The following KLHL32 variants were observed in gnomAD, a reference collection of about 807,000 sequenced individuals.
KLHL32 encodes kelch-like protein 32.
Under a neutral mutation model 64.8 loss-of-function variants are expected in KLHL32, and 35 were observed. The ratio of observed to expected loss-of-function variants is 0.54; its 90% CI spans 0.41 to 0.72. The LOEUF (loss-of-function observed/expected upper bound fraction) is 0.72. Ranked by LOEUF, KLHL32 falls within the 30% of genes least tolerant of loss-of-function variation. The pLI is 0.00. For synonymous variants in KLHL32, 259 were observed against 281.0 expected, an observed-to-expected ratio of 0.92 and a Z score of 0.78; for missense variants, 589 against 768.5, an observed-to-expected ratio of 0.77 and a Z score of 2.76.
intron 3 of KLHL32, among the ~76,000 whole-genome samples, chr6:96,996,454 T>C (rs1291995062): frequency 6.6e-6 from 1 of 152,204 alleles, no homozygotes; most frequent in Non-Finnish European, 1.5e-5. Flanking sequence ...TGATTAAAAT[T>C]ACATAAAAGA....
intron 3 of KLHL32, among the ~76,000 whole-genome samples, chr6:96,992,175 C>T (rs1777955623): frequency 6.6e-6 from 1 of 152,258 alleles, no homozygotes; most frequent in Non-Finnish European, 1.5e-5. Context: ...AGCCTGACCT[C>T]TCTTGTTGCC....
chr6:97,117,021 G>C (rs1797869199), intron 7 of KLHL32, among the ~76,000 whole-genome samples: 1 of 152,114 alleles, frequency 6.6e-6, no homozygotes, highest in South Asian at 2.1e-4. Flanking sequence ...TCTTTAATTG[G>C]AAAGAAGAGG....
chr6:97,037,989 C>A (rs1025131133), intron 3 of KLHL32, among the ~76,000 whole-genome samples: 2 of 152,124 alleles, frequency 1.3e-5, no homozygotes, highest in African/African-American at 2.4e-5. Flanking sequence ...TGAAACTACA[C>A]CCTTATCTCT....
At chr6:97,081,959 C>T (rs185658757) in intron 5 of KLHL32, among the ~76,000 whole-genome samples, 2 of 152,178 alleles carry the variant, frequency 1.3e-5, no homozygotes, top group East Asian at 1.9e-4. Flanking sequence ...CGCAGTGCCC[C>T]GGTCATGGAA....
At chr6:97,049,015 T>C (rs961878595) in intron 4 of KLHL32, among the ~76,000 whole-genome samples, 4 of 152,198 alleles carry the variant, frequency 2.6e-5, no homozygotes, top group African/African-American at 9.6e-5. Flanking sequence ...TGCCTTGCAC[T>C]CTGGAGGGTA....
chr6:97,011,976 A>G (rs1301169108), intron 3 of KLHL32, among the ~76,000 whole-genome samples: 1 of 151,884 alleles, frequency 6.6e-6, no homozygotes, highest in Non-Finnish European at 1.5e-5. Context: ...CAACAACTTT[A>G]CAGATGATGA....
At chr6:97,092,075 C>T (rs1388150805) in intron 6 of KLHL32, among the ~76,000 whole-genome samples, 4 of 151,664 alleles carry the variant, frequency 2.6e-5, no homozygotes, top group African/African-American at 9.7e-5. Context: ...CCGCAACCTC[C>T]GCCTCCCGAG....
chr6:96,991,138 C>T (rs1170775180), intron 3 of KLHL32, among the ~76,000 whole-genome samples: 3 of 151,520 alleles, frequency 2.0e-5, no homozygotes, highest in African/African-American at 7.3e-5. Flanking sequence ...GTGAAGCCCT[C>T]AGGTTCTTTG....
chr6:97,007,875 C>T (rs1779864935), intron 3 of KLHL32, among the ~76,000 whole-genome samples: 2 of 152,306 alleles, frequency 1.3e-5, no homozygotes, highest in East Asian at 1.9e-4. Context: ...CCAAAGTGTT[C>T]CCAGTCTGCT....
intron 3 of KLHL32, among the ~76,000 whole-genome samples, chr6:97,022,743 T>C (rs574051212): frequency 2.6e-5 from 4 of 152,210 alleles, no homozygotes; most frequent in Non-Finnish European, 5.9e-5. Context: ...GTGCTGGGAT[T>C]ATAGGCATGA....
At chr6:97,035,984 T>C (rs552951590) in intron 3 of KLHL32, among the ~76,000 whole-genome samples, 4 of 152,152 alleles carry the variant, frequency 2.6e-5, no homozygotes, top group Non-Finnish European at 4.4e-5. Context: ...TTACTTGATA[T>C]TGTTCCATAA....
At chr6:97,064,548 C>A (rs773147196) in intron 4 of KLHL32, 80 bp from the exon 5 acceptor site, 54 of 937,640 alleles carry the variant, frequency 5.8e-5, no homozygotes, top group Non-Finnish European at 7.7e-5. Context: ...TTTAAATATA[C>A]TATGGTATAT....
chr6:96,990,580 T>C (rs1777736996), intron 3 of KLHL32, among the ~76,000 whole-genome samples: 1 of 152,130 alleles, frequency 6.6e-6, no homozygotes, highest in Admixed American at 6.5e-5. Context: ...TGGGGTGAGC[T>C]CAGGCTTTGT....
At chr6:96,971,450 A>G (rs1047656118) in intron 2 of KLHL32, among the ~76,000 whole-genome samples, 4 of 152,176 alleles carry the variant, frequency 2.6e-5, no homozygotes, top group Admixed American at 1.3e-4. Flanking sequence ...CATTTGATTT[A>G]TTAGTTTTTG....
intron 3 of KLHL32, among the ~76,000 whole-genome samples, chr6:96,989,715 C>G (rs1777618355): frequency 6.6e-6 from 1 of 152,014 alleles, no homozygotes; most frequent in Admixed American, 6.6e-5. Context: ...CTTTTTCTCC[C>G]CCCCTCTCTT....
At chr6:97,000,063 A>G (rs1778848818) in intron 3 of KLHL32, among the ~76,000 whole-genome samples, 1 of 152,208 alleles carries the variant, frequency 6.6e-6, no homozygotes, top group African/African-American at 2.4e-5. Flanking sequence ...AAGATGGCCA[A>G]TGGGACAAAG....
chr6:97,112,886 A>T (rs1797348196), intron 6 of KLHL32, among the ~76,000 whole-genome samples: 1 of 150,074 alleles, frequency 6.7e-6, no homozygotes, highest in Admixed American at 6.6e-5. Flanking sequence ...AATTATTATA[A>T]CAAAATTAAA....
chr6:97,055,573 G>T (rs1339950546), intron 4 of KLHL32, among the ~76,000 whole-genome samples: 1 of 151,998 alleles, frequency 6.6e-6, no homozygotes, highest in Non-Finnish European at 1.5e-5. Flanking sequence ...CAACGCAGGT[G>T]GGTTACTTGA....
At chr6:97,010,198 T>G (rs369023204) in intron 3 of KLHL32, 1 of 147,714 alleles carries the variant, frequency 6.8e-6, no homozygotes, top group East Asian at 2.0e-4. Context: ...GCCATGCTCC[T>G]GGTTCACTGC....
Sources: gnomAD v4.1 joint callset for allele counts (sites outside exome capture counted in the v4.1 genomes callset) on GRCh38, gnomAD v4.1.1 for gene constraint, MANE v1.5 for transcripts, NCBI Gene and HGNC (gene_info 2026-07-23, HGNC 2026-07-21) for gene names.